The following ZSWIM2 variants were observed in gnomAD, a reference collection of about 807,000 sequenced individuals.
ZSWIM2 encodes the protein E3 ubiquitin-protein ligase ZSWIM2.
A neutral mutation model predicts 48.4 loss-of-function variants in ZSWIM2; 38 were observed. The ratio of observed to expected loss-of-function variants is 0.79; its 90% CI spans 0.61 to 1.03. The LOEUF (loss-of-function observed/expected upper bound fraction) is 1.03. Ranked by LOEUF, ZSWIM2 falls within the 50% of genes least tolerant of loss-of-function variation. ZSWIM2 has a pLI of 0.00. For missense variants in ZSWIM2, 776 were observed against 730.2 expected (o/e 1.06, Z -0.72); for synonymous variants, 240 against 251.3 (o/e 0.96, Z 0.42).
intron 8 of ZSWIM2, 32 bp from the exon 9 acceptor site, chr2:186,828,822 T>C (rs1691646670): frequency 1.6e-6 from 2 of 1,270,866 alleles, no homozygotes; most frequent in East Asian, 2.6e-5. Flanking sequence ...ATCAGAACTA[T>C]ACCAATCTTG....
chr2:186,838,975 G>A lies in ZSWIM2; in HGVS notation c.478C>T (p.Pro160Ser), dbSNP rs769736941. The change falls in exon 4 of 9, where the codon CCT becomes TCT. Residue 160 changes from proline to serine, a missense_variant. Coordinates refer to ENST00000295131, the MANE Select transcript of ZSWIM2 (RefSeq NM_182521.3). The stretch of plus-strand genomic sequence containing the variant: ...GTACATCACCTGCAAAAGGTGACAG[G>A]AAGCTTTTTCTCTAAAAGTAGCTCT... ...CQELLLEKKL[P>S]VTFCRFGCGN... is the part of the protein sequence containing the mutation. 1.6e-5 allele frequency: 26 copies of A among 1,607,556 alleles called. No individual in the cohort carries two copies. Among genetic ancestry groups the A allele is most frequent in the Non-Finnish European group, 2.2e-5 (26 of 1,176,304 alleles).
chr2:186,843,305 C>T (rs1167974407), intron 3 of ZSWIM2, among the ~76,000 whole-genome samples: 1 of 151,546 alleles, frequency 6.6e-6, no homozygotes, highest in Non-Finnish European at 1.5e-5. Context: ...TAAAACCATA[C>T]AACCTAGTCA....
At chr2:186,829,397 C>T (rs965573435) in intron 8 of ZSWIM2, among the ~76,000 whole-genome samples, 1 of 152,108 alleles carries the variant, frequency 6.6e-6, no homozygotes, top group Non-Finnish European at 1.5e-5. Flanking sequence ...TCTTAAGAAT[C>T]ATAAAAATAC....
intron 3 of ZSWIM2, among the ~76,000 whole-genome samples, chr2:186,841,438 T>G (rs62171892): frequency 0.15 from 22,092 of 151,328 alleles, 2,521 homozygotes; most frequent in African/African-American, 0.33. Context: ...TTGACATATT[T>G]CTGAAATCAC....
intron 7 of ZSWIM2, among the ~76,000 whole-genome samples, chr2:186,831,588 C>A (rs559632909): frequency 6.6e-6 from 1 of 151,690 alleles, no homozygotes; most frequent in African/African-American, 2.4e-5. Context: ...ATGTTTATTG[C>A]GGCACTATTC....
chr2:186,847,431 C>T (rs1692025369), intron 2 of ZSWIM2, among the ~76,000 whole-genome samples: 1 of 151,872 alleles, frequency 6.6e-6, no homozygotes, highest in South Asian at 2.1e-4. Context: ...AGGATTTTTC[C>T]CCCGTTTTAT....
Position 186,828,181 on chromosome 2 carries a change from T to C in ZSWIM2, c.1705A>G (p.Arg569Gly). ...PATKIREDNK[R>G]STLLPEDFNL... is the part of the protein sequence containing the mutation. ...AAATCCTCTGGAAGTAAAGTTGATCTCTTGTTGTCCTCTCTTATTTTAGTG... is the reference window on the plus strand; with the variant it reads ...AAATCCTCTGGAAGTAAAGTTGATCCCTTGTTGTCCTCTCTTATTTTAGTG... Residue 569 changes from arginine (R) to glycine (G), a missense_variant, in exon 9 of 9, where the codon AGA becomes GGA. Arg to Gly is a moderately radical substitution (Grantham distance 125, BLOSUM62 -2). Transcript: ENST00000295131. 1.2e-6 allele frequency: 2 copies of C among 1,613,378 alleles called. No homozygotes were observed. The highest frequency in any genetic ancestry group is 2.2e-5 in the South Asian group (2 of 91,052).
intron 4 of ZSWIM2, 83 bp from the exon 5 acceptor site, chr2:186,837,637 A>ATTATATG (rs61541415): frequency 2.3e-6 from 1 of 430,642 alleles, no homozygotes; most frequent in Non-Finnish European, 3.2e-6. Flanking sequence ...TATTATATAT[A>ATTATATG]TATTTATATA....
At chr2:186,836,873 A>G (rs955593612) in intron 5 of ZSWIM2, among the ~76,000 whole-genome samples, 34 of 152,158 alleles carry the variant, frequency 2.2e-4, no homozygotes, top group African/African-American at 8.2e-4. Context: ...ACTGGATTAA[A>G]TATTCAGTCA....
chr2:186,838,224 T>TA (rs140375227), intron 4 of ZSWIM2, among the ~76,000 whole-genome samples: 21,754 of 148,170 alleles, frequency 0.15, 2,482 homozygotes, highest in African/African-American at 0.33. Context: ...TAAAGTATAA[T>TA]AAAAAAATTA....
rs1457923087 is a variant in ZSWIM2 at position 186,833,221 on chromosome 2, T to A, written c.840A>T (p.Gln280His). The change falls in exon 7 of 9, where the codon CAA becomes CAT. Residue 280 changes from glutamine to histidine, a missense_variant. Coordinates refer to ENST00000295131, the MANE Select transcript of ZSWIM2 (RefSeq NM_182521.3). The part of the protein sequence containing the change: ...HTFTFREKRN[Q>H]KWRSLEKRAD... ...CTCTTTTTTCTAGTGATCTCCATTT[T>A]TGGTTTCTTTTCTGTAATAGGTAAA... 1.3e-6 allele frequency: 2 copies of A among 1,521,842 alleles called. No individual in the cohort carries two copies. The highest frequency in any genetic ancestry group is 1.8e-6 in the Non-Finnish European group (2 of 1,131,196). The allele number at this position is 1,521,842 out of a possible 1,614,324, so 94.3% of individuals were successfully genotyped here.
At chr2:186,838,205 A>G (rs1210457291) in intron 4 of ZSWIM2, among the ~76,000 whole-genome samples, 1 of 147,728 alleles carries the variant, frequency 6.8e-6, no homozygotes. Context: ...TAGACTCTCA[A>G]TAAAGATTTA....
chr2:186,846,775 G>C (rs1207965524), intron 2 of ZSWIM2, among the ~76,000 whole-genome samples: 1 of 123,552 alleles, frequency 8.1e-6, no homozygotes, highest in Non-Finnish European at 1.7e-5. Context: ...TTAATAAAAT[G>C]TGTGTATAAA....
chr2:186,840,107 G>A (rs938811675), intron 3 of ZSWIM2, among the ~76,000 whole-genome samples: 2 of 151,442 alleles, frequency 1.3e-5, no homozygotes, highest in African/African-American at 4.8e-5. Flanking sequence ...TACAGAAATC[G>A]CAGTTCCCTG....
At chr2:186,832,130 T>G (rs1387519304) in intron 7 of ZSWIM2, among the ~76,000 whole-genome samples, 3 of 152,034 alleles carry the variant, frequency 2.0e-5, no homozygotes, top group Admixed American at 6.6e-5. Context: ...CTATTTTTTT[T>G]TTGAGATGGA....
At chr2:186,845,463 C>T (rs1369839844) in intron 2 of ZSWIM2, among the ~76,000 whole-genome samples, 1 of 151,072 alleles carries the variant, frequency 6.6e-6, no homozygotes, top group Non-Finnish European at 1.5e-5. Context: ...ATCTTTATGT[C>T]AACTAGAGTA....
At position 186,846,810 on chromosome 2, in the gene ZSWIM2, C is replaced by CATATATATATATATATATATATATATAT. The variant is rs36111849; in HGVS notation, c.242+908_242+909insATATATATATATATATATATATATATAT. Among the ~76,000 whole-genome samples the CATATATATATATATATATATATATATAT allele has an allele frequency of 3.4e-3, 484 of 143,602 alleles. 3 individuals carry two copies. The highest frequency in any genetic ancestry group is 5.0e-3 in the African/African-American group (183 of 36,360). 94.2% of individuals were successfully genotyped at this position (143,602 alleles called of 152,430 possible). On this transcript the variant is annotated intron_variant, in intron 2 of 8. Transcript: ENST00000295131. ...ACATATATATATACACACACACACA[C>CATATATATATATATATATATATATATAT]ATATATATATATATATAATGTAATA...
At chr2:186,844,622 AT>A in intron 3 of ZSWIM2, 94 bp downstream of exon 3, 1 of 1,292,376 alleles carries the variant, frequency 7.7e-7, no homozygotes. Context: ...AACCATCTAA[AT>A]TTAGAAAATG....
chr2:186,839,204 A>T, intron 3 of ZSWIM2, 35 bp from the exon 4 acceptor site: 1 of 1,595,444 alleles, frequency 6.3e-7, no homozygotes, highest in Non-Finnish European at 8.6e-7. Context: ...AAATCCAGTC[A>T]TAAAATTGGA....
Sources: allele counts gnomAD v4.1 joint callset (sites outside exome capture counted in the v4.1 genomes callset), GRCh38; gene constraint gnomAD v4.1.1; transcripts MANE v1.5; gene names NCBI Gene and HGNC (gene_info 2026-07-23, HGNC 2026-07-21).